CALN1: variants seen among roughly 807,000 people sequenced by gnomAD.
CALN1 encodes calcium-binding protein 8.
A neutral mutation model predicts 30.6 loss-of-function variants in CALN1; 17 were observed. The ratio of observed to expected loss-of-function variants is 0.56; its 90% confidence interval spans 0.38 to 0.83. CALN1 has a LOEUF of 0.83. CALN1 is among the 40% of genes least tolerant of loss of function. The pLI, the probability that CALN1 is intolerant of heterozygous loss-of-function variation, is 0.00. For missense variants in CALN1, 291 were observed against 354.9 expected, an observed-to-expected ratio of 0.82 and a Z score of 1.45; for synonymous variants, 156 against 131.4, an observed-to-expected ratio of 1.19 and a Z score of -1.28.
chr7:72,337,191 CTCCCCAGCGGA>C, intron 2 of CALN1: 3 of 985,230 alleles, frequency 3.0e-6, no homozygotes, highest in Non-Finnish European at 3.6e-6. Flanking sequence ...TCCCCAGCTC[CTCCCCAGCGGA>C]TCCCCCAGGG....
At position 72,063,859 on chromosome 7, in the gene CALN1, C is replaced by G. The variant is rs572069377; in HGVS notation, c.389-40090G>C. 8.5e-5 allele frequency among the ~76,000 whole-genome samples: 13 copies of G among 152,286 alleles called. No individual in the cohort carries two copies. The South Asian group carries it at 2.7e-3, about 32-fold the overall frequency. On this transcript the variant is annotated intron_variant, in intron 4 of 6. Transcript: ENST00000395275. Reference sequence around the variant, plus strand: ...ATTCTCAAATCCACACCCCCACCCCCAAAATAAAATCCAAAATCCAAACAC... The same window carrying G: ...ATTCTCAAATCCACACCCCCACCCCGAAAATAAAATCCAAAATCCAAACAC...
intron 5 of CALN1, among the ~76,000 whole-genome samples, chr7:71,918,017 C>T (rs76342840): frequency 0.023 from 3,545 of 152,234 alleles, 127 homozygotes; most frequent in African/African-American, 0.077. Flanking sequence ...TAAAATGATT[C>T]TCTTCAATTT....
At chr7:72,286,507 G>A (rs1055707555) in intron 2 of CALN1, among the ~76,000 whole-genome samples, 1 of 152,150 alleles carries the variant, frequency 6.6e-6, no homozygotes, top group African/African-American at 2.4e-5. Flanking sequence ...AACTGCAGAA[G>A]GCCTCAAATA....
intron 5 of CALN1, among the ~76,000 whole-genome samples, chr7:71,908,402 T>G (rs1794251929): frequency 6.6e-6 from 1 of 152,192 alleles, no homozygotes; most frequent in Admixed American, 6.5e-5. Context: ...AAAGCTACTT[T>G]CAATGCGAAG....
At chr7:72,333,782 G>A (rs530682873) in intron 2 of CALN1, among the ~76,000 whole-genome samples, 1 of 151,436 alleles carries the variant, frequency 6.6e-6, no homozygotes, top group South Asian at 2.1e-4. Context: ...GGGTTTTGCT[G>A]TGGGATTCTC....
chr7:72,495,994 CACTGCA>C, the CALN1 span, among the ~76,000 whole-genome samples: 1 of 152,304 alleles, frequency 6.6e-6, no homozygotes, highest in Admixed American at 6.5e-5. Flanking sequence ...AATATTGGCT[CACTGCA>C]ACCTGTACCT....
intron 3 of CALN1, among the ~76,000 whole-genome samples, chr7:72,150,721 T>G (rs1787166227): frequency 6.6e-6 from 1 of 152,204 alleles, no homozygotes; most frequent in Non-Finnish European, 1.5e-5. Flanking sequence ...TTGGGCAAGT[T>G]TCTTCCTTCT....
chr7:72,009,772 C>G (rs1026994792), intron 5 of CALN1, among the ~76,000 whole-genome samples: 1 of 152,150 alleles, frequency 6.6e-6, no homozygotes, highest in African/African-American at 2.4e-5. Context: ...GGCTCTCATT[C>G]TCTCTTGTCT....
At chr7:72,168,219 T>A (rs1788662734) in intron 3 of CALN1, among the ~76,000 whole-genome samples, 1 of 129,572 alleles carries the variant, frequency 7.7e-6, no homozygotes, top group Admixed American at 8.8e-5. Flanking sequence ...ACATACTTAA[T>A]TTTTGCAAAC....
chr7:72,279,533 T>C (rs1228615670), intron 2 of CALN1, among the ~76,000 whole-genome samples: 2 of 152,204 alleles, frequency 1.3e-5, no homozygotes, highest in South Asian at 2.1e-4. Flanking sequence ...AGCATCCTTC[T>C]ACGCCAATAG....
chr7:72,478,887 C>CTTTTTTTTTTTTTTTTTTT, the CALN1 span, among the ~76,000 whole-genome samples: 23 of 139,376 alleles, frequency 1.7e-4, no homozygotes, highest in African/African-American at 5.2e-4. Flanking sequence ...CGAACCACTT[C>CTTTTTTTTTTTTTTTTTTT]TTTTTTTTTT....
intron 5 of CALN1, among the ~76,000 whole-genome samples, chr7:72,004,428 AC>A (rs1799670006): frequency 6.6e-6 from 1 of 152,154 alleles, no homozygotes; most frequent in African/African-American, 2.4e-5. Flanking sequence ...GAACTATAAA[AC>A]TTTTAGAAGA....
At chr7:72,415,793 G>A (rs544163905), upstream of CALN1, among the ~76,000 whole-genome samples, 9 of 152,248 alleles carry the variant, frequency 5.9e-5, no homozygotes, top group South Asian at 2.1e-4. Context: ...TACGGGGGGC[G>A]CGGGGGGCAT....
intron 3 of CALN1, among the ~76,000 whole-genome samples, chr7:72,155,681 A>G (rs1787614688): frequency 1.3e-5 from 2 of 152,096 alleles, no homozygotes; most frequent in Admixed American, 1.3e-4. Flanking sequence ...CCAAGGGGCA[A>G]TATATTAGTT....
intron 5 of CALN1, among the ~76,000 whole-genome samples, chr7:71,936,607 T>C (rs1318226403): frequency 6.6e-6 from 1 of 151,986 alleles, no homozygotes; most frequent in Non-Finnish European, 1.5e-5. Context: ...GGAAGGTGGG[T>C]ATTTGGGTCT....
the CALN1 span, among the ~76,000 whole-genome samples, chr7:72,493,656 A>G: frequency 6.6e-6 from 1 of 152,212 alleles, no homozygotes; most frequent in Non-Finnish European, 1.5e-5. Context: ...TATTCTTATC[A>G]TAACTCTTAC....
intron 2 of CALN1, among the ~76,000 whole-genome samples, chr7:72,360,486 C>T (rs983433888): frequency 2.0e-5 from 3 of 150,936 alleles, no homozygotes; most frequent in African/African-American, 7.3e-5. Context: ...TAGATGCATA[C>T]AAAAAAATGG....
rs537110514 is a variant in CALN1 at position 71,877,620 on chromosome 7, A to G, written c.502-67128T>C. Among the ~76,000 whole-genome samples, 676 of 151,262 alleles carry G rather than the reference A, an allele frequency of 4.5e-3. 18 individuals are homozygous for G. The highest frequency in any genetic ancestry group is 0.031 in the Middle Eastern group (9 of 294). ...TTATTTATGAATACATTTGGCGAGA[A>G]AGTCAGAAGACCTTTATAAAAAAAA... On this transcript the variant is annotated intron_variant, in intron 5 of 6. Coordinates refer to ENST00000395275, the MANE Select transcript of CALN1 (RefSeq NM_031468.4).
chr7:71,846,999 T>C (rs1425860672), intron 5 of CALN1, among the ~76,000 whole-genome samples: 1 of 149,332 alleles, frequency 6.7e-6, no homozygotes, highest in Non-Finnish European at 1.5e-5. Context: ...CACATATATA[T>C]ATATTGCTTA....
Sources: allele counts gnomAD v4.1 joint callset (sites outside exome capture counted in the v4.1 genomes callset), GRCh38; gene constraint gnomAD v4.1.1; transcripts MANE v1.5; gene names NCBI Gene and HGNC (gene_info 2026-07-23, HGNC 2026-07-21).